Variants in ECM2 observed in about 807,000 individuals in gnomAD.
ECM2 encodes extracellular matrix protein 2, female organ and adipocyte specific.
A neutral mutation model predicts 67.5 loss-of-function variants in ECM2; 57 were observed. The observed-to-expected ratio is 0.84, with a 90% CI of 0.68 to 1.05. The LOEUF is 1.05. Ranked by LOEUF, ECM2 falls within the 50% of genes least tolerant of loss-of-function variation. The pLI, the probability that ECM2 is intolerant of heterozygous loss-of-function variation, is 0.00. For synonymous variants in ECM2, 258 were observed against 294.5 expected, an observed-to-expected ratio of 0.88 and a Z score of 1.27; for missense variants, 741 against 822.8, an observed-to-expected ratio of 0.90 and a Z score of 1.22.
rs532812407 is a variant in ECM2 at position 92,514,730 on chromosome 9, C to T, written c.955G>A (p.Gly319Arg). Residue 319 changes from glycine (G) to arginine (R), a missense_variant, in exon 4 of 10, where the codon GGG becomes AGG. By Grantham distance (125) the Gly-to-Arg change is moderately radical. Coordinates refer to ENST00000344604, the MANE Select transcript of ECM2 (RefSeq NM_001393.4). ...ATGGTCCTGTAGGACAGAGAGCACC[C>T]GCTTGGCAGGCGCAGTGTGCCTCTG... ...PPRGTLRLPS[G>R]CSLSYRTISC... is the part of the protein sequence containing the mutation. 35 of 1,607,818 alleles carry T rather than the reference C, an allele frequency of 2.2e-5. No homozygotes were observed. The highest frequency in any genetic ancestry group is 1.3e-4 in the South Asian group (12 of 91,062).
intron 6 of ECM2, 102 bp from the exon 7 acceptor site, chr9:92,505,792 G>A (rs2131169981): frequency 1.1e-6 from 1 of 931,192 alleles, no homozygotes; most frequent in Non-Finnish European, 1.6e-6. Context: ...TTATTTGGAG[G>A]GCAAATACAG....
chr9:92,556,444 A>C, the ECM2 span, among the ~76,000 whole-genome samples: 4 of 152,048 alleles, frequency 2.6e-5, no homozygotes, highest in African/African-American at 9.7e-5. Flanking sequence ...GAAATTCCCC[A>C]CTATTATTGT....
chr9:92,531,246 A>G (rs1228015914), intron 1 of ECM2, among the ~76,000 whole-genome samples: 2 of 151,534 alleles, frequency 1.3e-5, no homozygotes, highest in Non-Finnish European at 2.9e-5. Flanking sequence ...TTATTATTTC[A>G]TTAGTAATTA....
At chr9:92,515,680 G>A (rs900533667) in intron 3 of ECM2, among the ~76,000 whole-genome samples, 3 of 152,150 alleles carry the variant, frequency 2.0e-5, no homozygotes, top group African/African-American at 7.2e-5. Context: ...CTTGCTTATA[G>A]CAGTGAAACC....
At chr9:92,558,797 G>A in the ECM2 span, among the ~76,000 whole-genome samples, 1 of 152,166 alleles carries the variant, frequency 6.6e-6, no homozygotes, top group East Asian at 1.9e-4. Context: ...CTCCTTGGGT[G>A]GGTCTTGCTG....
chr9:92,548,520 C>G, the ECM2 span, among the ~76,000 whole-genome samples: 13 of 152,116 alleles, frequency 8.5e-5, no homozygotes, highest in Non-Finnish European at 1.5e-5. Flanking sequence ...TGTAGTACAT[C>G]AACTATCAGA....
chr9:92,556,920 A>T, the ECM2 span, among the ~76,000 whole-genome samples: 1 of 152,064 alleles, frequency 6.6e-6, no homozygotes, highest in Non-Finnish European at 1.5e-5. Context: ...TTTGTTTTAT[A>T]GGTCCTGTGT....
At chr9:92,556,168 T>A in the ECM2 span, among the ~76,000 whole-genome samples, 1 of 152,216 alleles carries the variant, frequency 6.6e-6, no homozygotes, top group Non-Finnish European at 1.5e-5. Context: ...AGGAGCAGGT[T>A]ATTTAATTTC....
chr9:92,537,819 T>C (rs1458907431), upstream of ECM2, among the ~76,000 whole-genome samples: 1 of 152,180 alleles, frequency 6.6e-6, no homozygotes, highest in Non-Finnish European at 1.5e-5. Flanking sequence ...AACAGGAAGG[T>C]TATTTTTTCA....
At chr9:92,526,332 G>A (rs1339505081) in intron 1 of ECM2, among the ~76,000 whole-genome samples, 1 of 152,176 alleles carries the variant, frequency 6.6e-6, no homozygotes, top group African/African-American at 2.4e-5. Context: ...ATGTATTTGT[G>A]TTTTAAGCCA....
the ECM2 span, among the ~76,000 whole-genome samples, chr9:92,544,156 CAT>C: frequency 0.098 from 14,963 of 152,260 alleles, 835 homozygotes; most frequent in Middle Eastern, 0.15. Flanking sequence ...TTAAGCATGA[CAT>C]ATTAACTGTG....
At chr9:92,497,919 T>C (rs1846449017) in intron 9 of ECM2, among the ~76,000 whole-genome samples, 1 of 151,784 alleles carries the variant, frequency 6.6e-6, no homozygotes, top group Non-Finnish European at 1.5e-5. Context: ...CCCATTCTTT[T>C]TTGCCTCCTC....
At chr9:92,549,813 C>A in the ECM2 span, among the ~76,000 whole-genome samples, 13 of 152,248 alleles carry the variant, frequency 8.5e-5, no homozygotes, top group Non-Finnish European at 1.6e-4. Flanking sequence ...CATAGATGTA[C>A]GTTCTGTCTC....
chr9:92,505,520 A>T lies in ECM2; in HGVS notation c.1464+13T>A, dbSNP rs1365840702. The T allele has an allele frequency of 3.2e-6, 5 of 1,575,928 alleles. No homozygotes were observed. The African/African-American group carries it at 4.1e-5, about 13-fold the overall frequency. On this transcript the variant is annotated intron_variant, in intron 7 of 9. Transcript: ENST00000344604. ...TATAATACATTTAAAACACTAAAAA[A>T]ATATATTGTTACCTCAATAGAACCA...
the ECM2 span, among the ~76,000 whole-genome samples, chr9:92,555,213 AAT>A: frequency 3.7e-4 from 41 of 110,018 alleles, no homozygotes; most frequent in Non-Finnish European, 5.9e-4. Context: ...TTTTTTTGGA[AAT>A]TTTTTTTTTT....
chr9:92,533,087 A>G (rs541087020), intron 1 of ECM2, among the ~76,000 whole-genome samples: 2 of 151,734 alleles, frequency 1.3e-5, no homozygotes, highest in East Asian at 3.9e-4. Flanking sequence ...TCACAAGGTC[A>G]GGAGTTTGAG....
chr9:92,545,000 C>T, the ECM2 span, among the ~76,000 whole-genome samples: 2 of 152,118 alleles, frequency 1.3e-5, no homozygotes, highest in Admixed American at 1.3e-4. Flanking sequence ...CTGGGATTAC[C>T]GGTGTGAGCA....
the ECM2 span, among the ~76,000 whole-genome samples, chr9:92,546,495 A>G: frequency 6.6e-6 from 1 of 152,194 alleles, no homozygotes; most frequent in Admixed American, 6.5e-5. Context: ...CACTGGGAGA[A>G]AAGAACAACT....
At chr9:92,521,554 T>C (rs1012842810) in intron 2 of ECM2, among the ~76,000 whole-genome samples, 3 of 152,204 alleles carry the variant, frequency 2.0e-5, no homozygotes, top group Non-Finnish European at 4.4e-5. Context: ...CACAGAACAT[T>C]ATATGGTGAT....
Sources: allele counts gnomAD v4.1 joint callset (sites outside exome capture counted in the v4.1 genomes callset), GRCh38; gene constraint gnomAD v4.1.1; transcripts MANE v1.5; gene names NCBI Gene and HGNC (gene_info 2026-07-23, HGNC 2026-07-21).